The following LRRC4C variants were observed in gnomAD, a reference collection of about 807,000 sequenced individuals.
The protein encoded by LRRC4C is leucine rich repeat containing 4C, also known as leucine-rich repeat-containing protein 4C.
Under a neutral mutation model 33.6 loss-of-function variants are expected in LRRC4C, and 5 were observed. That is an observed-to-expected ratio of 0.15 (90% CI 0.08 to 0.31). The LOEUF is 0.31. Ranked by LOEUF, LRRC4C falls within the 10% of genes least tolerant of loss-of-function variation. The pLI is 1.00. For missense variants in LRRC4C, 560 were observed against 796.7 expected, an observed-to-expected ratio of 0.70 and a Z score of 3.58; for synonymous variants, 329 against 302.0, an observed-to-expected ratio of 1.09 and a Z score of -0.93.
chr11:40,217,019 A>C (rs145678530), intron 5 of LRRC4C, among the ~76,000 whole-genome samples: 1 of 152,324 alleles, frequency 6.6e-6, no homozygotes, highest in Non-Finnish European at 1.5e-5. Context: ...GGTTGCACAT[A>C]ATCTGTAAAT....
chr11:40,292,213 G>C (rs1944242089), intron 4 of LRRC4C: 1 of 152,098 alleles, frequency 6.6e-6, no homozygotes, highest in Non-Finnish European at 1.5e-5. Context: ...ACTGATCACA[G>C]CAACATCCAG....
chr11:40,600,352 T>A lies in LRRC4C; in HGVS notation c.-270+47790A>T, dbSNP rs1959856107. Among the ~76,000 whole-genome samples, 3 of 152,196 alleles carry A rather than the reference T, an allele frequency of 2.0e-5. No homozygotes were observed. The South Asian group carries it at 6.2e-4, about 32-fold the overall frequency. ...AGTTAACTGAGGCTTACAGAGATTATGTCAACTGTCCAAAGTAACAAATGA... is the reference window on the plus strand; with the variant it reads ...AGTTAACTGAGGCTTACAGAGATTAAGTCAACTGTCCAAAGTAACAAATGA... On this transcript the variant is annotated intron_variant, in intron 3 of 6. Coordinates refer to ENST00000528697, the MANE Select transcript of LRRC4C (RefSeq NM_001258419.2).
chr11:41,306,928 T>G lies in LRRC4C; in HGVS notation c.-496+152503A>C, dbSNP rs551944420. Among the ~76,000 whole-genome samples, 32 of 152,346 alleles carry G rather than the reference T, an allele frequency of 2.1e-4. 1 individual carries two copies. In the South Asian group the frequency reaches 6.2e-3, roughly 30 times the overall value. On this transcript the variant is annotated intron_variant, in intron 1 of 6. Coordinates refer to ENST00000528697, the MANE Select transcript of LRRC4C (RefSeq NM_001258419.2). ...AAAGAGAGAATCAAATACACAGAGATATTTTTCCATGTTTCATGTACCTTA... is the reference window on the plus strand; with the variant it reads ...AAAGAGAGAATCAAATACACAGAGAGATTTTTCCATGTTTCATGTACCTTA...
At chr11:40,968,658 C>T (rs566905379) in intron 1 of LRRC4C, among the ~76,000 whole-genome samples, 115 of 152,220 alleles carry the variant, frequency 7.6e-4, no homozygotes, top group Non-Finnish European at 1.1e-3. Flanking sequence ...AACTACTCTG[C>T]TTGTGTTTTA....
At chr11:41,412,519 A>C (rs931304792) in intron 1 of LRRC4C, among the ~76,000 whole-genome samples, 2 of 152,164 alleles carry the variant, frequency 1.3e-5, no homozygotes, top group African/African-American at 2.4e-5. Flanking sequence ...GCTGCCCTGA[A>C]ATGGAGGGTG....
At chr11:40,451,741 T>C (rs1396944649) in intron 3 of LRRC4C, among the ~76,000 whole-genome samples, 3 of 152,094 alleles carry the variant, frequency 2.0e-5, no homozygotes, top group Non-Finnish European at 2.9e-5. Flanking sequence ...TTAGAATACT[T>C]AGATGAAATG....
intron 2 of LRRC4C, among the ~76,000 whole-genome samples, chr11:40,878,688 AACTTATG>A (rs1955031980): frequency 6.6e-6 from 1 of 152,156 alleles, no homozygotes; most frequent in Non-Finnish European, 1.5e-5. Flanking sequence ...TCCCTGACTT[AACTTATG>A]ACTTAACATT....
chr11:40,610,879 T>G (rs1961146418), intron 3 of LRRC4C, among the ~76,000 whole-genome samples: 1 of 151,704 alleles, frequency 6.6e-6, no homozygotes, highest in South Asian at 2.1e-4. Flanking sequence ...AAAGAAGACA[T>G]AAATAAATGG....
intron 2 of LRRC4C, among the ~76,000 whole-genome samples, chr11:40,723,627 A>G (rs1947139090): frequency 1.3e-5 from 2 of 152,148 alleles, no homozygotes; most frequent in Admixed American, 1.3e-4. Flanking sequence ...TATGGAAAGG[A>G]AAAAAATTAC....
intron 1 of LRRC4C, among the ~76,000 whole-genome samples, chr11:41,172,435 T>C (rs1162995997): frequency 6.6e-6 from 1 of 152,172 alleles, no homozygotes; most frequent in Admixed American, 6.5e-5. Context: ...ACAAAACCAT[T>C]CTGAGGTTCT....
intron 4 of LRRC4C, chr11:40,292,929 A>G (rs1386282409): frequency 6.6e-6 from 1 of 152,150 alleles, no homozygotes; most frequent in Non-Finnish European, 1.5e-5. Context: ...CCAAAAAAAA[A>G]AGTCTCCTTT....
At chr11:40,799,131 A>G (rs961799162) in intron 2 of LRRC4C, among the ~76,000 whole-genome samples, 6 of 152,210 alleles carry the variant, frequency 3.9e-5, no homozygotes, top group African/African-American at 1.2e-4. Context: ...TTTAAGTCAT[A>G]TGTAATATTT....
At chr11:41,166,961 T>C (rs558508543) in intron 1 of LRRC4C, among the ~76,000 whole-genome samples, 2 of 152,308 alleles carry the variant, frequency 1.3e-5, no homozygotes, top group Admixed American at 6.5e-5. Context: ...CTAAATGCCA[T>C]GCCTAAAGTT....
rs564382707 is a variant in LRRC4C, at chr11:41,334,434, A to G, written c.-496+124997T>C. On this transcript the variant is annotated intron_variant, in intron 1 of 6. Transcript: ENST00000528697. ...CTCTCTATTTTCAAACGCTGGGCAC[A>G]TCCTTTAAAATTGATGACTAACTGA... Among the ~76,000 whole-genome samples, 4 of 152,224 alleles carry G rather than the reference A, an allele frequency of 2.6e-5. No homozygotes were observed. In the South Asian group the frequency reaches 8.3e-4, roughly 32 times the overall value.
At chr11:40,542,553 AT>A (rs1248848294) in intron 3 of LRRC4C, among the ~76,000 whole-genome samples, 2 of 152,142 alleles carry the variant, frequency 1.3e-5, no homozygotes, top group African/African-American at 4.8e-5. Flanking sequence ...AACAGAGATA[AT>A]AACAACCAGG....
At chr11:41,096,449 C>G (rs1940815775) in intron 1 of LRRC4C, among the ~76,000 whole-genome samples, 1 of 152,160 alleles carries the variant, frequency 6.6e-6, no homozygotes, top group South Asian at 2.1e-4. Flanking sequence ...AGTCATCAGT[C>G]AGACTTTAAT....
intron 5 of LRRC4C, among the ~76,000 whole-genome samples, chr11:40,210,299 C>A (rs896873068): frequency 2.0e-5 from 3 of 148,858 alleles, no homozygotes; most frequent in Non-Finnish European, 2.9e-5. Flanking sequence ...GCTGGATATG[C>A]AATATAAAGT....
intron 2 of LRRC4C, among the ~76,000 whole-genome samples, chr11:40,649,379 A>G (rs1303619061): frequency 6.6e-6 from 1 of 152,186 alleles, no homozygotes; most frequent in African/African-American, 2.4e-5. Flanking sequence ...AGAATTTAGC[A>G]ATATCTTCCC....
At chr11:40,744,607 G>A (rs1432242844) in intron 2 of LRRC4C, among the ~76,000 whole-genome samples, 1 of 152,068 alleles carries the variant, frequency 6.6e-6, no homozygotes, top group Non-Finnish European at 1.5e-5. Flanking sequence ...ATCCTATACT[G>A]CTTGACACAT....
Sources: allele counts gnomAD v4.1 joint callset (sites outside exome capture counted in the v4.1 genomes callset), GRCh38; gene constraint gnomAD v4.1.1; transcripts MANE v1.5; gene names NCBI Gene and HGNC (gene_info 2026-07-23, HGNC 2026-07-21).